GMEB1: variants seen among roughly 807,000 people sequenced by gnomAD.
GMEB1 encodes the protein glucocorticoid modulatory element-binding protein 1.
In GMEB1, 6 loss-of-function variants were observed where a neutral mutation model predicts 52.4. The observed-to-expected ratio is 0.11, with a 90% CI of 0.06 to 0.23. GMEB1 has a LOEUF of 0.23. GMEB1 is among the 10% of genes least tolerant of loss of function. The pLI, the probability that GMEB1 is intolerant of heterozygous loss-of-function variation, is 1.00. For missense variants in GMEB1, 486 were observed against 685.6 expected (o/e 0.71, Z 3.25); for synonymous variants, 255 against 244.9 (o/e 1.04, Z -0.38).
In GMEB1 at chr1:28,714,053, T is replaced by C; in HGVS notation, c.992-20T>C. The stretch of plus-strand genomic sequence containing the variant: ...AGATTTTACTTCCCTCTACACAAAG[T>C]CTTTTCTTTTTTTCCATAGACTTGG... On this transcript the variant is annotated intron_variant, in intron 9 of 9. Coordinates refer to ENST00000373816, the MANE Select transcript of GMEB1 (RefSeq NM_001319674.2). 1.3e-6 allele frequency: 2 copies of C among 1,575,768 alleles called. No individual in the cohort carries two copies. Among genetic ancestry groups the C allele is most frequent in the Non-Finnish European group, 1.7e-6 (2 of 1,151,410 alleles).
chr1:28,690,596 A>G (rs1669915894), intron 3 of GMEB1, among the ~76,000 whole-genome samples: 1 of 152,180 alleles, frequency 6.6e-6, no homozygotes. Context: ...CCAATTTCTC[A>G]TCTCTAAATG....
chr1:28,685,574 C>T (rs1398048320), intron 2 of GMEB1, among the ~76,000 whole-genome samples: 1 of 152,128 alleles, frequency 6.6e-6, no homozygotes, highest in African/African-American at 2.4e-5. Context: ...GAACATATTT[C>T]GTGACTTTTG....
chr1:28,712,650 C>A (rs1671110597), intron 9 of GMEB1, among the ~76,000 whole-genome samples: 1 of 151,758 alleles, frequency 6.6e-6, no homozygotes, highest in South Asian at 2.1e-4. Context: ...GAAACCTCAT[C>A]TCTACTAAAA....
At chr1:28,697,159 G>GTAAATA in intron 6 of GMEB1, 75 bp downstream of exon 6, 2 of 190,300 alleles carry the variant, frequency 1.1e-5, no homozygotes, top group Non-Finnish European at 1.8e-5. Context: ...TCCCTTGTGT[G>GTAAATA]TACATATATA....
intron 5 of GMEB1, among the ~76,000 whole-genome samples, chr1:28,693,712 A>C (rs1045906440): frequency 4.6e-5 from 7 of 152,112 alleles, no homozygotes; most frequent in African/African-American, 1.7e-4. Context: ...CCGCTTCCCA[A>C]AGTGCTAGGA....
chr1:28,676,230 T>G (rs1669145463), intron 1 of GMEB1, among the ~76,000 whole-genome samples: 2 of 152,192 alleles, frequency 1.3e-5, no homozygotes, highest in South Asian at 4.1e-4. Context: ...AGAAGCATCC[T>G]TCTAAATCTG....
rs541735001 is a variant in GMEB1 at position 28,703,364 on chromosome 1, C to T, written c.730+795C>T. ...TGGCACTGTTGTTAGATGCTGGGTGCGTAGATGAAAAGACAGACCAGGTGC... is the reference window on the plus strand; with the variant it reads ...TGGCACTGTTGTTAGATGCTGGGTGTGTAGATGAAAAGACAGACCAGGTGC... On this transcript the variant is annotated intron_variant, in intron 7 of 9. Coordinates refer to ENST00000373816, the MANE Select transcript of GMEB1 (RefSeq NM_001319674.2). Among the ~76,000 whole-genome samples the T allele has an allele frequency of 2.0e-3, 298 of 152,030 alleles. 2 individuals carry two copies. Among genetic ancestry groups the T allele is most frequent in the Middle Eastern group, 6.8e-3 (2 of 294 alleles).
chr1:28,686,077 A>G (rs1360703387), intron 2 of GMEB1, among the ~76,000 whole-genome samples: 1 of 152,216 alleles, frequency 6.6e-6, no homozygotes, highest in Non-Finnish European at 1.5e-5. Flanking sequence ...GCAGTGGCTC[A>G]TGCCTGTAAT....
chr1:28,690,270 T>C, intron 3 of GMEB1, 84 bp downstream of exon 3: 1 of 652,450 alleles, frequency 1.5e-6, no homozygotes, highest in Non-Finnish European at 2.6e-6. Context: ...TGAGTTTTCT[T>C]GCCATCTGTG....
intron 5 of GMEB1, 146 bp downstream of exon 5, chr1:28,693,191 A>G (rs1670042207): frequency 5.0e-6 from 2 of 402,082 alleles, no homozygotes; most frequent in Non-Finnish European, 9.0e-6. Context: ...GACTTTAATC[A>G]ACTTAAAAAT....
chr1:28,708,854 G>A (rs747164717), intron 8 of GMEB1, among the ~76,000 whole-genome samples: 1 of 151,978 alleles, frequency 6.6e-6, no homozygotes, highest in Non-Finnish European at 1.5e-5. Flanking sequence ...AAATTAGGCC[G>A]GTCGAGGTGG....
chr1:28,674,622 C>T (rs985137991), intron 1 of GMEB1, among the ~76,000 whole-genome samples: 17 of 151,776 alleles, frequency 1.1e-4, no homozygotes, highest in East Asian at 3.9e-4. Context: ...TCTTAACTCC[C>T]GACCTCAGGT....
chr1:28,695,053 C>T (rs183279655), intron 5 of GMEB1, among the ~76,000 whole-genome samples: 5 of 151,430 alleles, frequency 3.3e-5, no homozygotes, highest in African/African-American at 9.7e-5. Context: ...CAATCTCCAC[C>T]TCCTGGGTTC....
At chr1:28,687,409 A>G in intron 2 of GMEB1, among the ~76,000 whole-genome samples, 1 of 139,946 alleles carries the variant, frequency 7.1e-6, no homozygotes, top group Non-Finnish European at 1.6e-5. Context: ...GTGGAGAATA[A>G]TGTTCTGGGA....
At chr1:28,708,698 CCT>C (rs916780318) in intron 8 of GMEB1, among the ~76,000 whole-genome samples, 2 of 151,970 alleles carry the variant, frequency 1.3e-5, no homozygotes, top group African/African-American at 4.8e-5. Context: ...AATCCACCCA[CCT>C]CGGCCTCCCA....
chr1:28,693,328 C>T (rs997674531), intron 5 of GMEB1, among the ~76,000 whole-genome samples: 1 of 138,312 alleles, frequency 7.2e-6, no homozygotes, highest in Non-Finnish European at 1.6e-5. Context: ...AAGCAGTTCT[C>T]TGCCTCAGCC....
Position 28,687,377 on chromosome 1 carries a change from C to CAAAAAAAAAAAAAA in GMEB1, c.129-2726_129-2725insAAAAAAAAAAAAAA, listed in dbSNP as rs1260455703. 4.7e-4 allele frequency among the ~76,000 whole-genome samples: 7 copies of CAAAAAAAAAAAAAA among 14,796 alleles called. 2 individuals are homozygous for CAAAAAAAAAAAAAA. The highest frequency in any genetic ancestry group is 9.7e-4 in the Admixed American group (1 of 1,028). 9.7% of individuals were successfully genotyped at this position (14,796 alleles called of 152,430 possible). Reference sequence around the variant, plus strand: ...ACACACACACACACACACACACACACACACACACACAAAAAAAGACAGTGG... The same window carrying CAAAAAAAAAAAAAA: ...ACACACACACACACACACACACACACAAAAAAAAAAAAAAACACACACACAAAAAAAGACAGTGG... On this transcript the variant is annotated intron_variant, in intron 2 of 9. Coordinates refer to ENST00000373816, the MANE Select transcript of GMEB1 (RefSeq NM_001319674.2).
chr1:28,688,903 C>CTTTTTTTCT (rs141260036), intron 2 of GMEB1, among the ~76,000 whole-genome samples: 1 of 144,292 alleles, frequency 6.9e-6, no homozygotes, highest in Non-Finnish European at 1.5e-5. Context: ...TTTTTTTTTT[C>CTTTTTTTCT]TTTTTTGAGA....
Position 28,687,285 on chromosome 1 carries a change from A to G in GMEB1, c.129-2819A>G, listed in dbSNP as rs566065531. ...AGGGAGGTTAAGGCTGTAGTGAACT[A>G]TGATCTCACCACTGCATTCTAGCCT... is the stretch of plus-strand genomic sequence containing the variant. On this transcript the variant is annotated intron_variant, in intron 2 of 9. Coordinates refer to ENST00000373816, the MANE Select transcript of GMEB1 (RefSeq NM_001319674.2). 2.7e-5 allele frequency among the ~76,000 whole-genome samples: 4 copies of G among 147,556 alleles called. No individual in the cohort carries two copies. In the East Asian group the frequency reaches 8.1e-4, roughly 30 times the overall value.
Sources: allele counts gnomAD v4.1 joint callset (sites outside exome capture counted in the v4.1 genomes callset), GRCh38; gene constraint gnomAD v4.1.1; transcripts MANE v1.5; gene names NCBI Gene and HGNC (gene_info 2026-07-23, HGNC 2026-07-21).